The following ANKRD44 variants were observed in gnomAD, a reference collection of about 807,000 sequenced individuals.
The protein encoded by ANKRD44 is serine/threonine-protein phosphatase 6 regulatory ankyrin repeat subunit B.
In ANKRD44, 35 loss-of-function variants were observed where a neutral mutation model predicts 116.0. That is an observed-to-expected ratio of 0.30 (90% CI 0.23 to 0.40). The LOEUF is 0.40. Among genes scored for constraint, ANKRD44 ranks in the 10% least tolerant of loss-of-function variants. ANKRD44 has a pLI of 1.00. For missense variants in ANKRD44, 1,014 were observed against 1,242.6 expected, an observed-to-expected ratio of 0.82 and a Z score of 2.77; for synonymous variants, 435 against 461.8, an observed-to-expected ratio of 0.94 and a Z score of 0.74.
In ANKRD44 at chr2:197,098,672, G is replaced by A. The variant is rs147072453; in HGVS notation, c.1100+1144C>T. Among the ~76,000 whole-genome samples, 417 of 152,190 alleles carry A rather than the reference G, an allele frequency of 2.7e-3. 9 individuals are homozygous for A. The highest frequency in any genetic ancestry group is 0.011 in the South Asian group (55 of 4,828). On this transcript the variant is annotated intron_variant, in intron 10 of 27. Coordinates refer to ENST00000282272, the MANE Select transcript of ANKRD44 (RefSeq NM_001195144.2). Reference sequence around the variant, plus strand: ...ACTGTTCAAAGAGCTTTTAACATGCGTTATCTTTTTAATAACCTTAGGAGG... The same window carrying A: ...ACTGTTCAAAGAGCTTTTAACATGCATTATCTTTTTAATAACCTTAGGAGG...
chr2:197,053,963 T>A (rs2077159102), intron 16 of ANKRD44, among the ~76,000 whole-genome samples: 1 of 152,222 alleles, frequency 6.6e-6, no homozygotes, highest in Non-Finnish European at 1.5e-5. Flanking sequence ...TCAAAGGACT[T>A]CTCACATTGT....
chr2:197,259,483 G>T (rs2082540197), intron 1 of ANKRD44, among the ~76,000 whole-genome samples: 1 of 152,148 alleles, frequency 6.6e-6, no homozygotes, highest in Non-Finnish European at 1.5e-5. Flanking sequence ...CTCTTGTCTA[G>T]CCCACCATGA....
intron 8 of ANKRD44, among the ~76,000 whole-genome samples, chr2:197,112,499 G>A (rs1254423504): frequency 3.4e-4 from 52 of 152,100 alleles, no homozygotes; most frequent in Non-Finnish European, 1.3e-4. Flanking sequence ...CAAGAGGTCA[G>A]GAGATAGAGC....
At chr2:197,012,100 T>C (rs1217390163) in intron 18 of ANKRD44, among the ~76,000 whole-genome samples, 1 of 152,294 alleles carries the variant, frequency 6.6e-6, no homozygotes, top group Admixed American at 6.5e-5. Context: ...TTGAAAAAGA[T>C]TTTGGGTAAG....
intron 6 of ANKRD44, among the ~76,000 whole-genome samples, chr2:197,124,889 G>T (rs114424709): frequency 6.6e-6 from 1 of 152,204 alleles, no homozygotes; most frequent in Admixed American, 6.5e-5. Flanking sequence ...CAGTTTTGTC[G>T]TCAGTGGACT....
At chr2:197,294,042 C>T (rs1405745282) in intron 1 of ANKRD44, among the ~76,000 whole-genome samples, 1 of 152,152 alleles carries the variant, frequency 6.6e-6, no homozygotes, top group Non-Finnish European at 1.5e-5. Flanking sequence ...CCTCCACTAA[C>T]AATCAACAAG....
chr2:197,037,924 AG>A (rs2076837270), intron 16 of ANKRD44, among the ~76,000 whole-genome samples: 1 of 152,180 alleles, frequency 6.6e-6, no homozygotes, highest in African/African-American at 2.4e-5. Context: ...CCTGGGCAAC[AG>A]GGTAAGACCT....
At chr2:196,995,820 T>C (rs7556679) in intron 25 of ANKRD44, among the ~76,000 whole-genome samples, 3 of 152,186 alleles carry the variant, frequency 2.0e-5, no homozygotes, top group African/African-American at 7.2e-5. Flanking sequence ...ACATTTAGCA[T>C]ACATCAAAAG....
At chr2:196,982,111 TATATATA>T (rs1559392603), downstream of ANKRD44, among the ~76,000 whole-genome samples, 1 of 140,828 alleles carries the variant, frequency 7.1e-6, no homozygotes, top group Non-Finnish European at 1.6e-5. Context: ...AAAAAAATTA[TATATATA>T]TATATATATA....
chr2:197,087,753 C>T (rs534679275), intron 12 of ANKRD44, among the ~76,000 whole-genome samples: 96 of 152,206 alleles, frequency 6.3e-4, no homozygotes, highest in African/African-American at 2.1e-3. Context: ...AAGCACCTGT[C>T]TCTTACTGAA....
intron 1 of ANKRD44, among the ~76,000 whole-genome samples, chr2:197,211,739 T>G (rs1236507939): frequency 6.6e-6 from 1 of 152,034 alleles, no homozygotes; most frequent in Non-Finnish European, 1.5e-5. Flanking sequence ...GAGATGCTCC[T>G]TCTTTTCCCA....
chr2:197,199,561 G>C (rs1881407), intron 1 of ANKRD44, among the ~76,000 whole-genome samples: 111,170 of 152,118 alleles, frequency 0.73, 40,844 homozygotes, highest in East Asian at 0.92. Flanking sequence ...AGATATATGA[G>C]ATTATCGTTA....
Position 197,290,434 on chromosome 2 carries a change from TA to T in ANKRD44, c.27+20143del, listed in dbSNP as rs149715105. Among the ~76,000 whole-genome samples the T allele has an allele frequency of 3.7e-3, 567 of 152,320 alleles. 6 individuals carry two copies. Among genetic ancestry groups the T allele is most frequent in the Non-Finnish European group, 4.7e-3 (319 of 68,028 alleles). On this transcript the variant is annotated intron_variant, in intron 1 of 27. Coordinates refer to ENST00000282272, the MANE Select transcript of ANKRD44 (RefSeq NM_001195144.2). ...ATGTCTATTCACTTCTTGATGGGAT[TA>T]TTTTTTTTTATTGCTGATTCACTTG...
intron 16 of ANKRD44, among the ~76,000 whole-genome samples, chr2:197,028,020 C>T (rs2076630635): frequency 6.6e-6 from 1 of 152,016 alleles, no homozygotes; most frequent in South Asian, 2.1e-4. Context: ...CTGAGTTTAG[C>T]AACATGAGGC....
intron 16 of ANKRD44, among the ~76,000 whole-genome samples, chr2:197,068,379 G>GA (rs1196504516): frequency 4.5e-4 from 23 of 50,882 alleles, no homozygotes; most frequent in East Asian, 4.3e-3. Context: ...ATAAAAAAAA[G>GA]AAAAAAATAA....
In ANKRD44 at chr2:197,086,768, A is replaced by G. The variant is rs759807606; in HGVS notation, c.1248-20T>C. On this transcript the variant is annotated intron_variant, in intron 12 of 27. Transcript: ENST00000282272. ...ACATTACTAGAAAGACAGGGAAAACATCATTAAGATGGAAGAGATCAATTA... is the reference window on the plus strand; with the variant it reads ...ACATTACTAGAAAGACAGGGAAAACGTCATTAAGATGGAAGAGATCAATTA... The G allele has an allele frequency of 6.2e-7, 1 of 1,610,774 alleles. No homozygotes were observed. Among genetic ancestry groups the G allele is most frequent in the African/African-American group, 1.3e-5 (1 of 75,004 alleles).
Position 196,989,183 on chromosome 2 carries a change from G to T in ANKRD44, c.*408C>A. ...TAAGATACATAGCAATTAAAATAGA[G>T]AACAAATAATGGATGTTTCCTCACC... On this transcript the variant is annotated 3_prime_UTR_variant, in exon 28 of 28. Coordinates refer to ENST00000282272, the MANE Select transcript of ANKRD44 (RefSeq NM_001195144.2). The T allele has an allele frequency of 1.0e-6, 1 of 976,110 alleles. No individual in the cohort carries two copies. The highest frequency in any genetic ancestry group is 1.2e-6 in the Non-Finnish European group (1 of 825,992). 60.5% of individuals were successfully genotyped at this position (976,110 alleles called of 1,614,324 possible). A position where few individuals can be genotyped will look rare whatever the true frequency, so the allele number is the denominator to read the frequency against.
intron 1 of ANKRD44, among the ~76,000 whole-genome samples, chr2:197,275,450 A>C (rs962982462): frequency 2.1e-5 from 3 of 142,956 alleles, no homozygotes; most frequent in Middle Eastern, 3.3e-3. Context: ...AAAAAAAAAA[A>C]TACAACACGC....
chr2:197,111,650 A>AAG (rs397775655), intron 8 of ANKRD44, among the ~76,000 whole-genome samples: 3 of 150,880 alleles, frequency 2.0e-5, no homozygotes, highest in Non-Finnish European at 4.4e-5. Context: ...AAAAAAAAAA[A>AAG]GAAAAGAAAA....
Sources: allele counts gnomAD v4.1 joint callset (sites outside exome capture counted in the v4.1 genomes callset), GRCh38; gene constraint gnomAD v4.1.1; transcripts MANE v1.5; gene names NCBI Gene and HGNC (gene_info 2026-07-23, HGNC 2026-07-21).